TTLL5: variants seen among roughly 807,000 people sequenced by gnomAD.
TTLL5 encodes the protein tubulin polyglutamylase TTLL5.
Under a neutral mutation model 168.4 loss-of-function variants are expected in TTLL5, and 132 were observed. The observed-to-expected ratio is 0.78, with a 90% CI of 0.68 to 0.91. The LOEUF is 0.91. Among genes scored for constraint, TTLL5 ranks in the 40% least tolerant of loss-of-function variants. The pLI, the probability that TTLL5 is intolerant of heterozygous loss-of-function variation, is 0.00. For missense variants in TTLL5, 1,545 were observed against 1,581.5 expected, an observed-to-expected ratio of 0.98 and a Z score of 0.39; for synonymous variants, 546 against 558.6, an observed-to-expected ratio of 0.98 and a Z score of 0.32.
chr14:75,743,791 C>T (rs566135991), intron 15 of TTLL5, among the ~76,000 whole-genome samples: 1 of 152,016 alleles, frequency 6.6e-6, no homozygotes, highest in African/African-American at 2.4e-5. Flanking sequence ...CCGTGTTAGC[C>T]AGGATGGTCT....
At chr14:75,767,212 T>G (rs1353125728) in intron 20 of TTLL5, among the ~76,000 whole-genome samples, 1 of 151,418 alleles carries the variant, frequency 6.6e-6, no homozygotes, top group African/African-American at 2.4e-5. Context: ...AGTCATTCAT[T>G]AAGTCCCTCA....
At chr14:75,832,943 C>T (rs989716615) in intron 28 of TTLL5, among the ~76,000 whole-genome samples, 4 of 152,138 alleles carry the variant, frequency 2.6e-5, no homozygotes, top group African/African-American at 9.7e-5. Flanking sequence ...CTTTTAACCA[C>T]CTCTGTTCTT....
At chr14:75,679,668 T>A (rs998972707) in intron 3 of TTLL5, among the ~76,000 whole-genome samples, 1 of 152,236 alleles carries the variant, frequency 6.6e-6, no homozygotes, top group Non-Finnish European at 1.5e-5. Flanking sequence ...AGAGCCCTTT[T>A]AAGCTCTTAG....
At chr14:75,809,766 T>C (rs1349487100) in intron 27 of TTLL5, among the ~76,000 whole-genome samples, 1 of 152,150 alleles carries the variant, frequency 6.6e-6, no homozygotes, top group Non-Finnish European at 1.5e-5. Context: ...CTATTCTCTA[T>C]CTCCATGAAA....
chr14:75,930,737 A>G (rs2034250039), intron 31 of TTLL5: 2 of 654,020 alleles, frequency 3.1e-6, no homozygotes, highest in South Asian at 1.4e-4. Context: ...CCTGGTATAA[A>G]TATTGAGGCT....
chr14:75,925,196 C>G (rs1385841803), intron 31 of TTLL5, among the ~76,000 whole-genome samples: 3 of 148,608 alleles, frequency 2.0e-5, no homozygotes, highest in African/African-American at 7.5e-5. Flanking sequence ...CTGACCCCCC[C>G]ACCTCCCTCC....
At chr14:75,852,693 T>C (rs1193409419) in intron 28 of TTLL5, among the ~76,000 whole-genome samples, 1 of 152,170 alleles carries the variant, frequency 6.6e-6, no homozygotes, top group Non-Finnish European at 1.5e-5. Context: ...GTATTATAAT[T>C]TTTAGAGATC....
chr14:75,863,933 A>AAAAAAAAAAAAAAAAAAAAAAC, intron 29 of TTLL5, 71 bp downstream of exon 29: 1 of 1,268,266 alleles, frequency 7.9e-7, no homozygotes. Context: ...AAAAAAAAAA[A>AAAAAAAAAAAAAAAAAAAAAAC]AGGTCAGTGA....
chr14:75,893,406 A>C (rs1213448488), intron 30 of TTLL5, among the ~76,000 whole-genome samples: 1 of 152,240 alleles, frequency 6.6e-6, no homozygotes, highest in Admixed American at 6.5e-5. Flanking sequence ...AAAGGAACAC[A>C]GAGTACCAGC....
intron 17 of TTLL5, 94 bp from the exon 18 acceptor site, chr14:75,752,799 C>T: frequency 6.2e-6 from 7 of 1,124,254 alleles, no homozygotes; most frequent in Non-Finnish European, 9.3e-6. Context: ...ATATAAGTAC[C>T]CCTGTTATTT....
In TTLL5 at chr14:75,846,812, AG is replaced by A. The variant is rs376065145; in HGVS notation, c.3327-16854del. Among the ~76,000 whole-genome samples the A allele has an allele frequency of 5.1e-4, 68 of 133,854 alleles. 2 individuals carry two copies. Among genetic ancestry groups the A allele is most frequent in the African/African-American group, 1.7e-3 (61 of 36,262 alleles). 87.8% of individuals were successfully genotyped at this position (133,854 alleles called of 152,430 possible). A position where few individuals can be genotyped will look rare whatever the true frequency, so the allele number is the denominator to read the frequency against. ...TCTCAGAAAAAAAAAAAAAAAAAAAAGAATTACAAGAGATAATGAAAGAGTT... is the reference window on the plus strand; with the variant it reads ...TCTCAGAAAAAAAAAAAAAAAAAAAAAATTACAAGAGATAATGAAAGAGTT... On this transcript the variant is annotated intron_variant, in intron 28 of 31. Transcript: ENST00000298832.
At chr14:75,903,752 AG>A (rs1274235933) in intron 31 of TTLL5, among the ~76,000 whole-genome samples, 1 of 151,780 alleles carries the variant, frequency 6.6e-6, no homozygotes, top group Non-Finnish European at 1.5e-5. Flanking sequence ...TTAATTAGCC[AG>A]GTGTGGTGTG....
intron 31 of TTLL5, among the ~76,000 whole-genome samples, chr14:75,916,017 T>A (rs2140125881): frequency 6.6e-6 from 1 of 152,134 alleles, no homozygotes; most frequent in Middle Eastern, 3.4e-3. Context: ...TAGTCCCAGC[T>A]TCTTGGGAGA....
chr14:75,904,065 CT>C, intron 31 of TTLL5: 2 of 1,209,920 alleles, frequency 1.7e-6, no homozygotes, highest in Non-Finnish European at 2.1e-6. Flanking sequence ...TCTCTTTCCA[CT>C]CCCTGCTCAT....
At chr14:75,953,217 T>G (rs1464411329) in intron 31 of TTLL5, among the ~76,000 whole-genome samples, 3 of 152,228 alleles carry the variant, frequency 2.0e-5, no homozygotes, top group Non-Finnish European at 4.4e-5. Flanking sequence ...ACTCATGTGA[T>G]TCACAGAAAT....
intron 3 of TTLL5, among the ~76,000 whole-genome samples, chr14:75,676,136 C>G (rs1308930582): frequency 6.6e-6 from 1 of 152,102 alleles, no homozygotes; most frequent in Admixed American, 6.5e-5. Context: ...TTAAATGATT[C>G]CCACCCACAT....
At chr14:75,874,073 A>C (rs1840906352) in intron 29 of TTLL5, among the ~76,000 whole-genome samples, 2 of 112,840 alleles carry the variant, frequency 1.8e-5, no homozygotes, top group Non-Finnish European at 3.5e-5. Flanking sequence ...TTAAATGGTT[A>C]TTCTTTATTT....
chr14:75,858,053 C>T (rs900689933), intron 28 of TTLL5, among the ~76,000 whole-genome samples: 1 of 152,054 alleles, frequency 6.6e-6, no homozygotes, highest in African/African-American at 2.4e-5. Flanking sequence ...TTTTAAAATA[C>T]GTATTGCAGC....
At chr14:75,946,171 C>T (rs1478613862) in intron 31 of TTLL5, among the ~76,000 whole-genome samples, 1 of 152,036 alleles carries the variant, frequency 6.6e-6, no homozygotes, top group African/African-American at 2.4e-5. Context: ...TAATGAGCAA[C>T]AAAATGATGA....
Sources: allele counts gnomAD v4.1 joint callset (sites outside exome capture counted in the v4.1 genomes callset), GRCh38; gene constraint gnomAD v4.1.1; transcripts MANE v1.5; gene names NCBI Gene and HGNC (gene_info 2026-07-23, HGNC 2026-07-21).